The following ANGEL2 variants were observed in gnomAD, a reference collection of about 807,000 sequenced individuals.
The protein encoded by ANGEL2 is RNA 2',3'-cyclic phosphatase ANGEL2.
In ANGEL2, 41 loss-of-function variants were observed where a neutral mutation model predicts 66.0. The observed-to-expected ratio is 0.62, with a 90% CI of 0.48 to 0.81. The LOEUF (loss-of-function observed/expected upper bound fraction) is 0.81. ANGEL2 is among the 30% of genes least tolerant of loss of function. The pLI, the probability that ANGEL2 is intolerant of heterozygous loss-of-function variation, is 0.00. For synonymous variants in ANGEL2, 208 were observed against 226.5 expected, an observed-to-expected ratio of 0.92 and a Z score of 0.73; for missense variants, 561 against 641.6, an observed-to-expected ratio of 0.87 and a Z score of 1.36.
rs776840594 is a variant in ANGEL2, at chr1:213,013,273, A to C, written c.205T>G (p.Phe69Val). The C allele has an allele frequency of 3.5e-5, 56 of 1,612,322 alleles. 1 individual carries two copies. The South Asian group carries it at 5.8e-4, about 17-fold the overall frequency. ...GHYSRAPYPY[F>V]SSRHFSLNWR... is the part of the protein sequence containing the mutation. ...TTTAGTGAAAAATGCCTACTACTGA[A>C]GTATGGGTAAGGAGCTCGAGAGTAA... Residue 69 changes from phenylalanine (F) to valine (V), a missense_variant, in exon 2 of 9, where the codon TTC (phenylalanine) becomes GTC (valine). By Grantham distance (50) the Phe-to-Val change is conservative. Transcript: ENST00000366962.
chr1:213,004,818 A>C lies in ANGEL2; in HGVS notation c.1134+215T>G, dbSNP rs2076274027. On this transcript the variant is annotated intron_variant, in intron 5 of 8. Transcript: ENST00000366962. ...GGGAGGTGGAGCTTGCAGTGAGCTG[A>C]GATCATGACACTGCACTCCAGCCTG... Among the ~76,000 whole-genome samples the C allele has an allele frequency of 2.2e-5, 3 of 139,410 alleles. No homozygotes were observed. The South Asian group carries it at 7.3e-4, about 34-fold the overall frequency. 91.5% of individuals were successfully genotyped at this position (139,410 alleles called of 152,430 possible).
chr1:212,996,077 G>A (rs1022291100), intron 8 of ANGEL2, among the ~76,000 whole-genome samples: 3 of 152,214 alleles, frequency 2.0e-5, no homozygotes, highest in African/African-American at 7.2e-5. Flanking sequence ...GGAGGCCGAG[G>A]CAGGCAGATC....
intron 7 of ANGEL2, among the ~76,000 whole-genome samples, chr1:212,998,675 C>CCA (rs2148137902): frequency 6.6e-6 from 1 of 151,060 alleles, no homozygotes; most frequent in South Asian, 2.1e-4. Flanking sequence ...GCGCCCACCA[C>CCA]CACACCTAGC....
rs1452631633 is a variant in ANGEL2, at chr1:212,995,305, C to CT, written c.1484-114dup. On this transcript the variant is annotated intron_variant, in intron 8 of 8. Coordinates refer to ENST00000366962, the MANE Select transcript of ANGEL2 (RefSeq NM_144567.5). ...TAGAACTTGAGGCCCCTCCAGAAGA[C>CT]TAAAAACTATGACACAGTTTTTAGA... is the stretch of plus-strand genomic sequence containing the variant. 4.9e-6 allele frequency: 4 copies of CT among 820,070 alleles called. No individual in the cohort carries two copies. The African/African-American group carries it at 7.1e-5, about 15-fold the overall frequency. 50.8% of individuals were successfully genotyped at this position (820,070 alleles called of 1,614,324 possible).
intron 1 of ANGEL2, 65 bp from the exon 2 acceptor site, chr1:213,013,483 A>C: frequency 1.4e-6 from 2 of 1,416,082 alleles, no homozygotes; most frequent in Non-Finnish European, 1.9e-6. Flanking sequence ...ACAAAATCTA[A>C]GCCTGTTTCC....
In ANGEL2 at chr1:213,013,115, T is replaced by C. The variant is rs1180053575; in HGVS notation, c.363A>G (p.Ser121=). 6.8e-6 allele frequency: 11 copies of C among 1,613,664 alleles called. No individual in the cohort carries two copies. The highest frequency in any genetic ancestry group is 9.3e-6 in the Non-Finnish European group (11 of 1,179,878). ...TACCTTGGTGTTTTCTTCGTTTTGA[T>C]GAAGGCTCATCTCCCTCAGCGTTCA... The part of the protein sequence containing the change: ...YVMNAEGDEP[S]SKRRKHQGVI... Residue 121 remains serine (S), a synonymous_variant, in exon 2 of 9, where the codon TCA becomes TCG. Coordinates refer to ENST00000366962, the MANE Select transcript of ANGEL2 (RefSeq NM_144567.5).
intron 7 of ANGEL2, among the ~76,000 whole-genome samples, chr1:212,998,443 T>G (rs771189921): frequency 6.6e-6 from 1 of 151,632 alleles, no homozygotes; most frequent in Non-Finnish European, 1.5e-5. Context: ...CAAACTCTTA[T>G]CTATCAATTT....
At chr1:212,996,053 A>G (rs553197525) in intron 8 of ANGEL2, among the ~76,000 whole-genome samples, 1 of 152,178 alleles carries the variant, frequency 6.6e-6, no homozygotes, top group Non-Finnish European at 1.5e-5. Flanking sequence ...CACGCCTGTA[A>G]TCCCAGCACT....
At chr1:213,001,334 A>C (rs2076172306) in intron 5 of ANGEL2, 1 of 194,246 alleles carries the variant, frequency 5.1e-6, no homozygotes, top group Admixed American at 6.2e-5. Context: ...TTCCCAGTGC[A>C]TGTAAGTTGC....
In ANGEL2 at chr1:212,996,622, C is replaced by CAAAAAAAA. The variant is rs1558167053; in HGVS notation, c.1483+532_1483+533insTTTTTTTT. Among the ~76,000 whole-genome samples the CAAAAAAAA allele has an allele frequency of 9.7e-4, 22 of 22,704 alleles. 3 individuals carry two copies. The highest frequency in any genetic ancestry group is 2.0e-3 in the African/African-American group (16 of 7,954). 14.9% of individuals were successfully genotyped at this position (22,704 alleles called of 152,430 possible). ...TGGGTAACAGAGCGAGACTCTGTATCCAAAAAAAAAAAAAAAAAATATATA... is the reference window on the plus strand; with the variant it reads ...TGGGTAACAGAGCGAGACTCTGTATCAAAAAAAACAAAAAAAAAAAAAAAAAATATATA... On this transcript the variant is annotated intron_variant, in intron 8 of 8. Coordinates refer to ENST00000366962, the MANE Select transcript of ANGEL2 (RefSeq NM_144567.5).
In ANGEL2 at chr1:212,994,369, C is replaced by T. The variant is rs909265938; in HGVS notation, c.*672G>A. ...CAGTCTCTGCCTCTATTAAGCCCAC[C>T]TCTTGTCTGTTCCAGGGTGAAAGAG... On this transcript the variant is annotated 3_prime_UTR_variant, in exon 9 of 9. Transcript: ENST00000366962. The T allele has an allele frequency of 3.9e-5, 6 of 152,164 alleles. No individual in the cohort carries two copies. The highest frequency in any genetic ancestry group is 3.3e-4 in the Admixed American group (5 of 15,272). 9.4% of individuals were successfully genotyped at this position (152,164 alleles called of 1,614,324 possible). A position where few individuals can be genotyped will look rare whatever the true frequency, so the allele number is the denominator to read the frequency against.
chr1:213,000,750 C>A (rs1400435025), intron 6 of ANGEL2, 36 bp downstream of exon 6: 6 of 1,577,558 alleles, frequency 3.8e-6, no homozygotes, highest in East Asian at 4.6e-5. Context: ...AACATGATTA[C>A]CCAGCAGACT....
Position 212,997,282 on chromosome 1 carries a change from T to C in ANGEL2, c.1356A>G (p.Ser452=). The C allele has an allele frequency of 1.2e-6, 2 of 1,611,898 alleles. No individual in the cohort carries two copies. The highest frequency in any genetic ancestry group is 1.7e-6 in the Non-Finnish European group (2 of 1,178,328). The change falls in exon 8 of 9, where the codon TCA becomes TCG. Residue 452 remains serine (S), a synonymous_variant. Transcript: ENST00000366962. ...CAGGAAAGTAATGTGAATAAACAGATGACAAACTGAAATGGTGCTGTAAAT... is the reference window on the plus strand; with the variant it reads ...CAGGAAAGTAATGTGAATAAACAGACGACAAACTGAAATGGTGCTGTAAAT... ...SSNLQHHFSL[S]SVYSHYFPDT... is the part of the protein sequence containing the mutation.
At chr1:212,998,162 G>A (rs2076076552) in intron 7 of ANGEL2, among the ~76,000 whole-genome samples, 1 of 151,922 alleles carries the variant, frequency 6.6e-6, no homozygotes, top group Non-Finnish European at 1.5e-5. Flanking sequence ...AAGCCAAGGC[G>A]GGAAGATTGC....
At chr1:213,014,761 T>C (rs1003134867) in intron 1 of ANGEL2, among the ~76,000 whole-genome samples, 4 of 152,214 alleles carry the variant, frequency 2.6e-5, no homozygotes, top group Admixed American at 1.3e-4. Context: ...TCAGGAAACA[T>C]TGTTGAACTG....
intron 2 of ANGEL2, chr1:213,011,242 G>A: frequency 7.8e-7 from 1 of 1,289,274 alleles, no homozygotes; most frequent in African/African-American, 1.5e-5. Flanking sequence ...GATCACAGCA[G>A]AGAAGACAGA....
At chr1:213,000,434 A>G in intron 6 of ANGEL2, 51 bp from the exon 7 acceptor site, 1 of 1,473,422 alleles carries the variant, frequency 6.8e-7, no homozygotes, top group Non-Finnish European at 9.4e-7. Flanking sequence ...GTTTGCCTTA[A>G]TATCGTCATC....
intron 1 of ANGEL2, 22 bp from the exon 2 acceptor site, chr1:213,013,440 C>T (rs2076560002): frequency 1.3e-6 from 2 of 1,572,552 alleles, no homozygotes; most frequent in East Asian, 2.2e-5. Flanking sequence ...AAATACACTC[C>T]TTGAGGCACC....
intron 2 of ANGEL2, chr1:213,011,384 G>T: frequency 1.7e-6 from 2 of 1,154,528 alleles, no homozygotes; most frequent in Non-Finnish European, 2.2e-6. Context: ...CTGTTTTCTT[G>T]ATTGAAAAGT....
Sources: allele counts gnomAD v4.1 joint callset (sites outside exome capture counted in the v4.1 genomes callset), GRCh38; gene constraint gnomAD v4.1.1; transcripts MANE v1.5; gene names NCBI Gene and HGNC (gene_info 2026-07-23, HGNC 2026-07-21).